AUTS2: variants seen among roughly 807,000 people sequenced by gnomAD.
AUTS2 encodes the protein autism susceptibility gene 2 protein.
AUTS2 carries 17 observed loss-of-function variants against 112.4 expected under a neutral mutation model. The ratio of observed to expected loss-of-function variants is 0.15; its 90% CI spans 0.10 to 0.23. The LOEUF (loss-of-function observed/expected upper bound fraction) is 0.23, where lower values mean the gene tolerates loss of function less well. AUTS2 is among the 10% of genes least tolerant of loss of function. AUTS2 has a pLI of 1.00. For synonymous variants in AUTS2, 751 were observed against 702.7 expected (o/e 1.07, Z -1.09); for missense variants, 1,510 against 1,701.6 (o/e 0.89, Z 1.98).
At chr7:70,517,456 G>C (rs533257968) in intron 5 of AUTS2, among the ~76,000 whole-genome samples, 1 of 152,132 alleles carries the variant, frequency 6.6e-6, no homozygotes, top group East Asian at 1.9e-4. Flanking sequence ...GAGTTGACAT[G>C]AGTTTTTAGG....
chr7:70,280,464 TTTTTTGTA>T (rs1788160361), intron 4 of AUTS2, among the ~76,000 whole-genome samples: 1 of 149,418 alleles, frequency 6.7e-6, no homozygotes. Context: ...TTTTTTTTTT[TTTTTTGTA>T]TTTTTAGCAG....
intron 4 of AUTS2, among the ~76,000 whole-genome samples, chr7:70,320,795 T>C (rs141086538): frequency 1.3e-5 from 2 of 152,282 alleles, no homozygotes; most frequent in East Asian, 3.9e-4. Context: ...AAGGGCAGTT[T>C]TGAAGTCTCA....
intron 4 of AUTS2, among the ~76,000 whole-genome samples, chr7:70,231,568 G>T (rs539061682): frequency 6.6e-6 from 1 of 151,296 alleles, no homozygotes; most frequent in Admixed American, 6.6e-5. Flanking sequence ...TCAGCCTCCC[G>T]AGTAGCTGGG....
At chr7:69,652,255 G>A (rs1795326925) in intron 1 of AUTS2, among the ~76,000 whole-genome samples, 2 of 151,960 alleles carry the variant, frequency 1.3e-5, no homozygotes, top group African/African-American at 4.8e-5. Flanking sequence ...TTTGGGGCAA[G>A]TTAATCTAAA....
intron 6 of AUTS2, among the ~76,000 whole-genome samples, chr7:70,757,807 CTTTT>C (rs3974412): frequency 9.9e-5 from 6 of 60,526 alleles, no homozygotes; most frequent in South Asian, 1.8e-3. Context: ...TCCATGGCTT[CTTTT>C]TTTTTTTTTT....
At chr7:69,765,045 A>G (rs1179028437) in intron 1 of AUTS2, among the ~76,000 whole-genome samples, 1 of 152,194 alleles carries the variant, frequency 6.6e-6, no homozygotes, top group African/African-American at 2.4e-5. Context: ...AGATAGAAGG[A>G]CCATCTTGAT....
chr7:70,411,980 C>T (rs2130475761), intron 4 of AUTS2, among the ~76,000 whole-genome samples: 1 of 150,454 alleles, frequency 6.6e-6, no homozygotes. Flanking sequence ...ACTGCACCTC[C>T]ACCTCGTGGG....
chr7:70,297,986 T>C (rs894298655), intron 4 of AUTS2, among the ~76,000 whole-genome samples: 1 of 152,144 alleles, frequency 6.6e-6, no homozygotes, highest in Non-Finnish European at 1.5e-5. Context: ...GAGCTTCCTA[T>C]GCACCTGAAA....
intron 1 of AUTS2, among the ~76,000 whole-genome samples, chr7:69,613,998 T>G (rs940135743): frequency 3.3e-5 from 5 of 152,230 alleles, no homozygotes; most frequent in African/African-American, 1.2e-4. Flanking sequence ...AAGGTTTGTT[T>G]ATGCTACAAA....
In AUTS2 at chr7:70,733,147, A is replaced by G. The variant is rs910331448; in HGVS notation, c.743-29723A>G. The stretch of plus-strand genomic sequence containing the variant: ...GATCTGAGACAGCACCGAAGTATAT[A>G]AAAAAGTTAGGCTCCTGAGCACTTA... On this transcript the variant is annotated intron_variant, in intron 6 of 18. Transcript: ENST00000342771. Among the ~76,000 whole-genome samples, 3 of 152,254 alleles carry G rather than the reference A, an allele frequency of 2.0e-5. No individual in the cohort carries two copies. The East Asian group carries it at 5.8e-4, about 29-fold the overall frequency.
intron 5 of AUTS2, among the ~76,000 whole-genome samples, chr7:70,695,242 C>A (rs1031321914): frequency 5.9e-5 from 9 of 152,158 alleles, no homozygotes; most frequent in African/African-American, 1.7e-4. Context: ...GCGGCCCTGT[C>A]GCCCGCCTTT....
At chr7:70,406,301 T>C (rs977956748) in intron 4 of AUTS2, among the ~76,000 whole-genome samples, 3 of 152,152 alleles carry the variant, frequency 2.0e-5, no homozygotes, top group African/African-American at 7.2e-5. Context: ...GAATGCCTCA[T>C]TGGTTTCAGA....
chr7:70,208,599 G>T (rs1810698227), intron 4 of AUTS2, among the ~76,000 whole-genome samples: 1 of 152,014 alleles, frequency 6.6e-6, no homozygotes, highest in Non-Finnish European at 1.5e-5. Context: ...CAGAAGCCTT[G>T]CTGTCAAAGA....
rs1217270013 is a variant in AUTS2 at position 70,497,245 on chromosome 7, A to G, written c.690+61464A>G. 2.8e-5 allele frequency among the ~76,000 whole-genome samples: 4 copies of G among 145,196 alleles called. No homozygotes were observed. In the East Asian group the frequency reaches 6.3e-4, roughly 23 times the overall value. On this transcript the variant is annotated intron_variant, in intron 5 of 18. Coordinates refer to ENST00000342771, the MANE Select transcript of AUTS2 (RefSeq NM_015570.4). The stretch of plus-strand genomic sequence containing the variant: ...TCGATCACACACCCCACTCACACAC[A>G]CCACGTACACAGTCACACACACACA...
chr7:70,278,268 T>C (rs570794074), intron 4 of AUTS2, among the ~76,000 whole-genome samples: 2 of 152,304 alleles, frequency 1.3e-5, no homozygotes, highest in South Asian at 4.1e-4. Flanking sequence ...ATGTATTTTG[T>C]GGTATTTTTT....
intron 5 of AUTS2, among the ~76,000 whole-genome samples, chr7:70,551,433 G>A (rs1336185360): frequency 1.3e-5 from 2 of 152,078 alleles, no homozygotes; most frequent in Non-Finnish European, 2.9e-5. Flanking sequence ...GAAAACAATG[G>A]CATTTCACCT....
intron 1 of AUTS2, among the ~76,000 whole-genome samples, chr7:69,789,976 A>G (rs117717198): frequency 0.01 from 1,598 of 152,202 alleles, 13 homozygotes; most frequent in Non-Finnish European, 0.018. Flanking sequence ...ATATATCTCA[A>G]CGTGTTGAAA....
chr7:70,602,258 T>C (rs1223045300), intron 5 of AUTS2, among the ~76,000 whole-genome samples: 1 of 152,188 alleles, frequency 6.6e-6, no homozygotes, highest in Non-Finnish European at 1.5e-5. Flanking sequence ...GCCATCTAAC[T>C]TACAAAGTGC....
At chr7:70,281,230 C>T (rs1485868495) in intron 4 of AUTS2, among the ~76,000 whole-genome samples, 3 of 152,180 alleles carry the variant, frequency 2.0e-5, no homozygotes, top group Admixed American at 1.3e-4. Flanking sequence ...ATAATTTGTA[C>T]CTTGAGATCC....
Sources: allele counts gnomAD v4.1 joint callset (sites outside exome capture counted in the v4.1 genomes callset), GRCh38; gene constraint gnomAD v4.1.1; transcripts MANE v1.5; gene names NCBI Gene and HGNC (gene_info 2026-07-23, HGNC 2026-07-21).